The following WDR59 variants were observed in gnomAD, a reference collection of about 807,000 sequenced individuals.
WDR59 encodes the protein GATOR2 complex protein WDR59.
In WDR59, 100 loss-of-function variants were observed where a neutral mutation model predicts 131.2. The observed-to-expected ratio is 0.76, with a 90% CI of 0.65 to 0.90. The LOEUF (loss-of-function observed/expected upper bound fraction) is 0.90. Ranked by LOEUF, WDR59 falls within the 40% of genes least tolerant of loss-of-function variation. WDR59 has a pLI of 0.00. For missense variants in WDR59, 1,203 were observed against 1,262.2 expected (o/e 0.95, Z 0.71); for synonymous variants, 601 against 466.2 (o/e 1.29, Z -3.72).
intron 2 of WDR59, among the ~76,000 whole-genome samples, chr16:74,964,700 G>C (rs527768787): frequency 7.9e-5 from 12 of 152,184 alleles, no homozygotes; most frequent in African/African-American, 2.6e-4. Context: ...GTGGATCCTA[G>C]AGGTAAGGAC....
rs1293482254 is a variant in WDR59 at position 74,985,085 on chromosome 16, A to G, written c.-68T>C. The G allele has an allele frequency of 3.4e-6, 5 of 1,451,478 alleles. No homozygotes were observed. Among genetic ancestry groups the G allele is most frequent in the African/African-American group, 1.4e-5 (1 of 70,782 alleles). The allele number at this position is 1,451,478 out of a possible 1,614,324, so 89.9% of individuals were successfully genotyped here. A position where few individuals can be genotyped will look rare whatever the true frequency, so the allele number is the denominator to read the frequency against. ...ACCCCGCCGTCCCCAGTATCCCGGG[A>G]CCGTGCGCCCCACACAGCCAGAGAA... On this transcript the variant is annotated 5_prime_UTR_variant, in exon 1 of 26. Transcript: ENST00000262144.
intron 1 of WDR59, among the ~76,000 whole-genome samples, chr16:74,972,746 T>C (rs1004595665): frequency 7.2e-6 from 1 of 138,926 alleles, no homozygotes; most frequent in African/African-American, 2.7e-5. Context: ...ACTTGAAACC[T>C]GGGAGATGGA....
chr16:74,931,010 A>G (rs2031341048), intron 8 of WDR59, among the ~76,000 whole-genome samples: 1 of 151,942 alleles, frequency 6.6e-6, no homozygotes, highest in Admixed American at 6.6e-5. Context: ...AAGTTCAGGT[A>G]ATGTTCTAAT....
At chr16:74,972,424 C>A (rs909556884) in intron 1 of WDR59, among the ~76,000 whole-genome samples, 7 of 152,112 alleles carry the variant, frequency 4.6e-5, no homozygotes, top group Non-Finnish European at 8.8e-5. Context: ...TCCAAAGCAA[C>A]AGACCACAAT....
At chr16:74,973,194 T>C (rs1470276102) in intron 1 of WDR59, among the ~76,000 whole-genome samples, 3 of 152,154 alleles carry the variant, frequency 2.0e-5, no homozygotes, top group South Asian at 2.1e-4. Context: ...TGAGCCAAGA[T>C]TGCGCCATTG....
chr16:74,940,591 C>G (rs2032140532), intron 7 of WDR59, among the ~76,000 whole-genome samples: 1 of 152,154 alleles, frequency 6.6e-6, no homozygotes, highest in Non-Finnish European at 1.5e-5. Flanking sequence ...GTCTGTAATG[C>G]TTGCTGCCAT....
chr16:74,936,903 T>C (rs1296889230), intron 8 of WDR59, among the ~76,000 whole-genome samples: 1 of 152,144 alleles, frequency 6.6e-6, no homozygotes, highest in African/African-American at 2.4e-5. Context: ...TCTGACACAT[T>C]AAAAATAACT....
chr16:74,881,187 A>G (rs1395226173), intron 25 of WDR59, among the ~76,000 whole-genome samples: 1 of 152,162 alleles, frequency 6.6e-6, no homozygotes, highest in Non-Finnish European at 1.5e-5. Flanking sequence ...GAATGAAACC[A>G]TGAGCCCCGT....
intron 2 of WDR59, among the ~76,000 whole-genome samples, chr16:74,958,290 T>C (rs188352021): frequency 9.5e-4 from 145 of 152,060 alleles, no homozygotes; most frequent in African/African-American, 3.4e-3. Flanking sequence ...TGGTAATTGA[T>C]CTAAAGAAAG....
Position 74,888,259 on chromosome 16 carries a change from A to G in WDR59, c.2256T>C (p.Phe752=). ...VQTLAMLCSV[F]EAQSRPQGLP... ...GCCCCTGAGGCCGAGACTGGGCTTC[A>G]AACACGCTACAGAGCATCGCCAGTG... Residue 752 remains phenylalanine, a synonymous_variant, in exon 22 of 26, where the codon TTT becomes TTC. Coordinates refer to ENST00000262144, the MANE Select transcript of WDR59 (RefSeq NM_030581.4). 6.2e-7 allele frequency: 1 copy of G among 1,614,146 alleles called. No homozygotes were observed. The highest frequency in any genetic ancestry group is 8.5e-7 in the Non-Finnish European group (1 of 1,179,990).
At chr16:74,880,437 A>G (rs1964423465) in intron 25 of WDR59, among the ~76,000 whole-genome samples, 1 of 152,004 alleles carries the variant, frequency 6.6e-6, no homozygotes, top group Non-Finnish European at 1.5e-5. Context: ...ACAGAGTGAG[A>G]CTCTGTCTCC....
chr16:74,935,988 C>T (rs1407820040), intron 8 of WDR59, among the ~76,000 whole-genome samples: 1 of 149,380 alleles, frequency 6.7e-6, no homozygotes, highest in African/African-American at 2.5e-5. Flanking sequence ...CAGAGCAAGA[C>T]TCCACCTCAA....
At chr16:74,946,247 A>C (rs1270872924) in intron 6 of WDR59, among the ~76,000 whole-genome samples, 1 of 152,224 alleles carries the variant, frequency 6.6e-6, no homozygotes, top group African/African-American at 2.4e-5. Flanking sequence ...TACAGAAAAG[A>C]AACATAGTAT....
intron 6 of WDR59, among the ~76,000 whole-genome samples, chr16:74,944,726 A>G (rs1268047552): frequency 2.0e-5 from 3 of 152,124 alleles, no homozygotes; most frequent in Non-Finnish European, 4.4e-5. Flanking sequence ...CCCAGGGTAG[A>G]TCTGCACCAC....
intron 3 of WDR59, among the ~76,000 whole-genome samples, chr16:74,955,983 G>A (rs2033271512): frequency 6.6e-6 from 1 of 151,932 alleles, no homozygotes; most frequent in Non-Finnish European, 1.5e-5. Flanking sequence ...CACATAAACA[G>A]GCACATAGAA....
At chr16:74,916,914 T>G (rs575070941) in intron 11 of WDR59, among the ~76,000 whole-genome samples, 1 of 152,134 alleles carries the variant, frequency 6.6e-6, no homozygotes, top group South Asian at 2.1e-4. Context: ...ATTGTACCTT[T>G]TGGAAAAAAC....
chr16:74,959,985 G>A (rs974521219), intron 2 of WDR59, among the ~76,000 whole-genome samples: 4 of 151,898 alleles, frequency 2.6e-5, no homozygotes, highest in Non-Finnish European at 1.5e-5. Context: ...GAAATTTTTT[G>A]AAAATTAAAA....
chr16:74,951,198 T>C (rs984892924), intron 4 of WDR59, among the ~76,000 whole-genome samples: 6 of 150,676 alleles, frequency 4.0e-5, no homozygotes, highest in Admixed American at 6.6e-5. Flanking sequence ...TCTAATCCTT[T>C]ACCCTGGACT....
chr16:74,886,135 G>T, intron 24 of WDR59, 135 bp downstream of exon 24: 2 of 1,148,788 alleles, frequency 1.7e-6, no homozygotes, highest in Non-Finnish European at 2.4e-6. Flanking sequence ...CCGAGATCCC[G>T]CCACTGCACT....
Sources: gnomAD v4.1 joint callset for allele counts (sites outside exome capture counted in the v4.1 genomes callset) on GRCh38, gnomAD v4.1.1 for gene constraint, MANE v1.5 for transcripts, NCBI Gene and HGNC (gene_info 2026-07-23, HGNC 2026-07-21) for gene names.